The following NRG3 variants were observed in gnomAD, a reference collection of about 807,000 sequenced individuals.
NRG3 encodes pro-neuregulin-3, membrane-bound isoform.
A neutral mutation model predicts 66.9 loss-of-function variants in NRG3; 31 were observed. That is an observed-to-expected ratio of 0.46 (90% CI 0.35 to 0.63). The LOEUF (loss-of-function observed/expected upper bound fraction) is 0.63, where lower values mean the gene tolerates loss of function less well. NRG3 is among the 20% of genes least tolerant of loss of function. NRG3 has a pLI of 0.00. For synonymous variants in NRG3, 393 were observed against 359.4 expected (o/e 1.09, Z -1.06); for missense variants, 910 against 878.9 (o/e 1.04, Z -0.45).
At chr10:82,516,864 A>C (rs1221585370) in intron 2 of NRG3, among the ~76,000 whole-genome samples, 1 of 152,194 alleles carries the variant, frequency 6.6e-6, no homozygotes, top group Non-Finnish European at 1.5e-5. Context: ...ATGATGTCAA[A>C]CTCAACCCAC....
At chr10:82,356,942 T>A (rs190956817) in intron 1 of NRG3, among the ~76,000 whole-genome samples, 271 of 152,302 alleles carry the variant, frequency 1.8e-3, no homozygotes, top group African/African-American at 6.2e-3. Flanking sequence ...GAACACCAGT[T>A]CTCATTAAGC....
intron 2 of NRG3, among the ~76,000 whole-genome samples, chr10:82,440,817 A>G (rs141739308): frequency 2.4e-4 from 37 of 152,292 alleles, no homozygotes; most frequent in African/African-American, 8.7e-4. Context: ...CTGCTTTTTC[A>G]TATTGCCTCA....
At chr10:82,431,318 A>T (rs906690146) in intron 2 of NRG3, among the ~76,000 whole-genome samples, 2 of 152,074 alleles carry the variant, frequency 1.3e-5, no homozygotes, top group Non-Finnish European at 2.9e-5. Context: ...TGTCCTATGT[A>T]TGCTGGGTTG....
intron 4 of NRG3, among the ~76,000 whole-genome samples, chr10:82,875,629 A>G (rs949733241): frequency 1.3e-5 from 2 of 152,328 alleles, no homozygotes; most frequent in African/African-American, 2.4e-5. Flanking sequence ...AAGTGGTAGG[A>G]TTACAGGCGT....
chr10:82,492,319 T>C (rs1231697189), intron 2 of NRG3, among the ~76,000 whole-genome samples: 1 of 152,208 alleles, frequency 6.6e-6, no homozygotes, highest in Admixed American at 6.5e-5. Flanking sequence ...ATGGTTTCAA[T>C]CTCATGCAGA....
At chr10:82,003,497 G>A (rs2061253460) in intron 1 of NRG3, among the ~76,000 whole-genome samples, 1 of 152,192 alleles carries the variant, frequency 6.6e-6, no homozygotes, top group South Asian at 2.1e-4. Context: ...GTAGGACTAA[G>A]AGACTGAGGA....
intron 2 of NRG3, among the ~76,000 whole-genome samples, chr10:82,437,674 G>A (rs746949992): frequency 1.3e-5 from 2 of 152,092 alleles, no homozygotes; most frequent in Non-Finnish European, 2.9e-5. Context: ...TCGTGAATTT[G>A]TCTACTTTTG....
chr10:82,961,659 T>G (rs1408644735), intron 6 of NRG3, among the ~76,000 whole-genome samples: 2 of 152,212 alleles, frequency 1.3e-5, no homozygotes, highest in African/African-American at 2.4e-5. Flanking sequence ...TAGCGGTCAT[T>G]GGCGCTGATG....
chr10:81,961,596 T>C (rs1239072234), intron 1 of NRG3, among the ~76,000 whole-genome samples: 1 of 152,248 alleles, frequency 6.6e-6, no homozygotes, highest in Non-Finnish European at 1.5e-5. Context: ...GGTAACAATA[T>C]AGAGATAACA....
At chr10:82,818,196 C>T (rs993544230) in intron 3 of NRG3, among the ~76,000 whole-genome samples, 6 of 152,106 alleles carry the variant, frequency 3.9e-5, no homozygotes, top group South Asian at 2.1e-4. Flanking sequence ...GGGGTGGTAA[C>T]GCAGCGTTGC....
intron 1 of NRG3, among the ~76,000 whole-genome samples, chr10:82,120,249 T>C (rs917757185): frequency 2.0e-5 from 3 of 152,056 alleles, no homozygotes; most frequent in Non-Finnish European, 4.4e-5. Context: ...AGGTCCTCTC[T>C]AACTGTATAG....
intron 4 of NRG3, among the ~76,000 whole-genome samples, chr10:82,887,397 T>C (rs1489253464): frequency 6.6e-6 from 1 of 152,230 alleles, no homozygotes; most frequent in East Asian, 1.9e-4. Flanking sequence ...AAAGAGTTTA[T>C]GGCAAATAGA....
chr10:82,045,840 CTTGTT>C (rs2063263395), intron 1 of NRG3, among the ~76,000 whole-genome samples: 1 of 130,020 alleles, frequency 7.7e-6, no homozygotes, highest in African/African-American at 2.9e-5. Flanking sequence ...TTCCCCATTT[CTTGTT>C]TTTGTCAGGT....
chr10:82,038,164 C>G (rs1344186435), intron 1 of NRG3, among the ~76,000 whole-genome samples: 1 of 152,054 alleles, frequency 6.6e-6, no homozygotes, highest in Non-Finnish European at 1.5e-5. Flanking sequence ...AAAGCACACC[C>G]AACATTAAGA....
At chr10:82,189,959 C>T (rs1348738285) in intron 1 of NRG3, among the ~76,000 whole-genome samples, 1 of 151,304 alleles carries the variant, frequency 6.6e-6, no homozygotes, top group Non-Finnish European at 1.5e-5. Flanking sequence ...CGAGACCCCG[C>T]CTGAAAATAA....
Position 82,122,821 on chromosome 10 carries a change from T to C in NRG3, c.824-235918T>C, listed in dbSNP as rs145603488. ...TTTCAACTCTCTTATTAATTTCCTGTGATACAAGCTAATATTTCTGGCTCT... is the reference window on the plus strand; with the variant it reads ...TTTCAACTCTCTTATTAATTTCCTGCGATACAAGCTAATATTTCTGGCTCT... On this transcript the variant is annotated intron_variant, in intron 1 of 8. Transcript: ENST00000372141. 1.2e-3 allele frequency among the ~76,000 whole-genome samples: 182 copies of C among 152,282 alleles called. 1 individual carries two copies. The highest frequency in any genetic ancestry group is 2.0e-3 in the Non-Finnish European group (137 of 68,024).
intron 2 of NRG3, among the ~76,000 whole-genome samples, chr10:82,710,868 A>G (rs1057403913): frequency 1.3e-5 from 2 of 152,080 alleles, no homozygotes; most frequent in African/African-American, 4.8e-5. Context: ...ATTTGCAATG[A>G]TCTTTTTACT....
At chr10:82,753,168 C>G (rs553930357) in intron 3 of NRG3, among the ~76,000 whole-genome samples, 3 of 152,040 alleles carry the variant, frequency 2.0e-5, no homozygotes, top group Non-Finnish European at 4.4e-5. Flanking sequence ...TTTTATGAAA[C>G]TATATTTGTC....
chr10:82,131,444 G>GTAA (rs959623628), intron 1 of NRG3, among the ~76,000 whole-genome samples: 79 of 152,176 alleles, frequency 5.2e-4, no homozygotes, highest in African/African-American at 1.9e-3. Flanking sequence ...CAATAGCTCT[G>GTAA]TAATATACTT....
Sources: allele counts gnomAD v4.1 joint callset (sites outside exome capture counted in the v4.1 genomes callset), GRCh38; gene constraint gnomAD v4.1.1; transcripts MANE v1.5; gene names NCBI Gene and HGNC (gene_info 2026-07-23, HGNC 2026-07-21).